The following ZNF208 variants were observed in gnomAD, a reference collection of about 807,000 sequenced individuals.
The protein encoded by ZNF208 is zinc finger protein 208.
In ZNF208, 10 loss-of-function variants were observed where a neutral mutation model predicts 12.1. That is an observed-to-expected ratio of 0.83 (90% CI 0.51 to 1.40). The LOEUF (loss-of-function observed/expected upper bound fraction) is 1.40. ZNF208 is among the 40% of genes most tolerant of loss of function. ZNF208 has a pLI of 0.00. For missense variants in ZNF208, 1,652 were observed against 1,485.0 expected (o/e 1.11, Z -1.85); for synonymous variants, 497 against 488.4 (o/e 1.02, Z -0.23).
At position 21,990,316 on chromosome 19, in the gene ZNF208, C is replaced by G. The variant is rs537409097; in HGVS notation, c.4-1407G>C. Among the ~76,000 whole-genome samples the G allele has an allele frequency of 2.0e-5, 3 of 152,272 alleles. No individual in the cohort carries two copies. The East Asian group carries it at 5.8e-4, about 29-fold the overall frequency. ...TTTCTACATATGGCTAGCCAGTTTTCCCAGCACCATTTATTAAATAAGGAA... is the reference window on the plus strand; with the variant it reads ...TTTCTACATATGGCTAGCCAGTTTTGCCAGCACCATTTATTAAATAAGGAA... On this transcript the variant is annotated intron_variant, in intron 1 of 3. Coordinates refer to ENST00000397126, the MANE Select transcript of ZNF208 (RefSeq NM_007153.3).
intron 4 of ZNF208, among the ~76,000 whole-genome samples, chr19:21,945,662 A>T (rs1969805603): frequency 6.6e-6 from 1 of 152,194 alleles, no homozygotes; most frequent in Admixed American, 6.5e-5. Context: ...TTATTTAATA[A>T]TTTGAATTCA....
At position 21,972,642 on chromosome 19, in the gene ZNF208, T is replaced by A. The variant is rs1198993760; in HGVS notation, c.2392A>T (p.Ile798Phe). The change falls in exon 4 of 4, where the codon ATT becomes TTT. Residue 798 changes from isoleucine to phenylalanine, a missense_variant. Ile to Phe is a conservative substitution (Grantham distance 21). Transcript: ENST00000397126. ...RSAILIKHKR[I>F]HTDEKPYKCE... Reference sequence around the variant, plus strand: ...TTGTAGGGTTTCTCATCAGTATGAATTCTCTTATGTTTAATAAGGATTGCA... The same window carrying A: ...TTGTAGGGTTTCTCATCAGTATGAAATCTCTTATGTTTAATAAGGATTGCA... The A allele has an allele frequency of 1.8e-5, 29 of 1,613,254 alleles. No homozygotes were observed. Among genetic ancestry groups the A allele is most frequent in the Non-Finnish European group, 2.2e-5 (26 of 1,179,902 alleles).
chr19:21,962,191 G>A (rs528456048), downstream of ZNF208, among the ~76,000 whole-genome samples: 16 of 151,990 alleles, frequency 1.1e-4, no homozygotes, highest in African/African-American at 3.1e-4. Flanking sequence ...AGCTCCAGCC[G>A]GTCCCTCCAT....
chr19:21,964,042 A>G (rs1288675152), downstream of ZNF208, among the ~76,000 whole-genome samples: 5 of 151,994 alleles, frequency 3.3e-5, no homozygotes, highest in Non-Finnish European at 7.4e-5. Flanking sequence ...ATGTTACTAA[A>G]CAAAACTTAA....
chr19:22,008,417 TGAGA>T (rs2145590318), intron 1 of ZNF208, among the ~76,000 whole-genome samples: 1 of 152,242 alleles, frequency 6.6e-6, no homozygotes, highest in South Asian at 2.1e-4. Context: ...TCCAATTACT[TGAGA>T]GATTCTCCCA....
chr19:21,940,001 T>G (rs2145506106), intron 4 of ZNF208: 1 of 152,262 alleles, frequency 6.6e-6, no homozygotes, highest in Admixed American at 6.5e-5. Flanking sequence ...TTCATGTATA[T>G]CGAGGATTTA....
chr19:21,942,468 A>G (rs967156968), intron 4 of ZNF208, among the ~76,000 whole-genome samples: 11 of 152,206 alleles, frequency 7.2e-5, no homozygotes, highest in Non-Finnish European at 1.6e-4. Context: ...ATGGGTAAAC[A>G]AATCTCTTCT....
chr19:21,961,876 G>A (rs1301532068), downstream of ZNF208, among the ~76,000 whole-genome samples: 2 of 152,062 alleles, frequency 1.3e-5, no homozygotes, highest in Non-Finnish European at 2.9e-5. Flanking sequence ...TTATTCTGTT[G>A]TTTTTCAAGG....
chr19:21,968,847 T>C lies in ZNF208; in HGVS notation c.*2344A>G, dbSNP rs1242479698. Among the ~76,000 whole-genome samples, 3 of 152,254 alleles carry C rather than the reference T, an allele frequency of 2.0e-5. No individual in the cohort carries two copies. Among genetic ancestry groups the C allele is most frequent in the East Asian group, 3.9e-4 (2 of 5,168 alleles). ...TGGTTAGTAGGTTTATTATTACTTA[T>C]ACAATGTCATTATACATTTTATACA... is the stretch of plus-strand genomic sequence containing the variant. On this transcript the variant is annotated 3_prime_UTR_variant, in exon 4 of 4. Transcript: ENST00000397126.
Position 21,960,219 on chromosome 19 carries a change from T to C in ZNF208, c.305+14510A>G, listed in dbSNP as rs554945405. 5.3e-5 allele frequency among the ~76,000 whole-genome samples: 8 copies of C among 152,220 alleles called. No individual in the cohort carries two copies. In the East Asian group the frequency reaches 1.5e-3, roughly 29 times the overall value. On this transcript the variant is annotated intron_variant, in intron 4 of 4. Transcript: ENST00000599916. The stretch of plus-strand genomic sequence containing the variant: ...AATGTTGATTTTTATTGCTATATTG[T>C]CTCAAATTATGTTAATAATAATGTA...
chr19:21,943,788 T>C (rs976010796), intron 4 of ZNF208, among the ~76,000 whole-genome samples: 1 of 152,188 alleles, frequency 6.6e-6, no homozygotes, highest in Non-Finnish European at 1.5e-5. Context: ...CATAAAAAGC[T>C]GAGAACATCA....
intron 4 of ZNF208, among the ~76,000 whole-genome samples, chr19:21,951,233 G>A (rs1467210482): frequency 6.6e-6 from 1 of 152,134 alleles, no homozygotes; most frequent in Admixed American, 6.5e-5. Context: ...AACTATACTG[G>A]AAGAAGTCAG....
At chr19:21,994,586 G>C (rs189961352) in intron 1 of ZNF208, among the ~76,000 whole-genome samples, 1 of 151,874 alleles carries the variant, frequency 6.6e-6, no homozygotes, top group Non-Finnish European at 1.5e-5. Context: ...ACTTAAATCC[G>C]AGTTTGTATA....
rs1468711325 is a variant in ZNF208 at position 21,956,361 on chromosome 19, A to G, written c.305+18368T>C. 7.2e-5 allele frequency among the ~76,000 whole-genome samples: 11 copies of G among 152,138 alleles called. No individual in the cohort carries two copies. In the East Asian group the frequency reaches 2.1e-3, roughly 29 times the overall value. On this transcript the variant is annotated intron_variant, in intron 4 of 4. Coordinates refer to the ZNF208 transcript ENST00000599916. ...GCTGGGAGAACCACTACTCTCTTCA[A>G]AGCTGTCAGACAGGGACATTTAAGT... is the stretch of plus-strand genomic sequence containing the variant.
intron 1 of ZNF208, among the ~76,000 whole-genome samples, chr19:21,993,217 C>A (rs567094184): frequency 2.9e-4 from 44 of 152,206 alleles, no homozygotes; most frequent in Non-Finnish European, 6.0e-4. Context: ...CTGACACAGG[C>A]ACCAGCAATT....
intron 3 of ZNF208, among the ~76,000 whole-genome samples, chr19:21,985,660 C>T (rs1349789720): frequency 2.0e-5 from 3 of 152,182 alleles, no homozygotes; most frequent in Non-Finnish European, 4.4e-5. Context: ...CTTTGTCTTC[C>T]AGAAGCCTGG....
intron 1 of ZNF208, among the ~76,000 whole-genome samples, chr19:22,010,190 A>T (rs1230163730): frequency 6.6e-6 from 1 of 152,136 alleles, no homozygotes; most frequent in East Asian, 1.9e-4. Flanking sequence ...CGTCTCAAAA[A>T]TAAATAAATA....
chr19:21,974,844 T>C (rs1202086760), intron 3 of ZNF208, 37 bp from the exon 4 acceptor site: 6 of 1,488,484 alleles, frequency 4.0e-6, no homozygotes, highest in Non-Finnish European at 4.5e-6. Context: ...AGCCTACTTA[T>C]TAGACTCAGA....
rs1431759842 is a variant in ZNF208 at position 21,971,156 on chromosome 19, G to A, written c.*35C>T. 2 of 1,610,816 alleles carry A rather than the reference G, an allele frequency of 1.2e-6. No individual in the cohort carries two copies. Among genetic ancestry groups the A allele is most frequent in the Non-Finnish European group, 1.7e-6 (2 of 1,179,172 alleles). On this transcript the variant is annotated 3_prime_UTR_variant, in exon 4 of 4. Transcript: ENST00000397126. ...TTTCTTATGATAACTAAGGGTTGAGGGCCACTTATAGGCTTTGCCACATTC... is the reference window on the plus strand; with the variant it reads ...TTTCTTATGATAACTAAGGGTTGAGAGCCACTTATAGGCTTTGCCACATTC...
Sources: allele counts gnomAD v4.1 joint callset (sites outside exome capture counted in the v4.1 genomes callset), GRCh38; gene constraint gnomAD v4.1.1; transcripts MANE v1.5; gene names NCBI Gene and HGNC (gene_info 2026-07-23, HGNC 2026-07-21).